NRAP: variants seen among roughly 807,000 people sequenced by gnomAD.
NRAP encodes nebulin-related-anchoring protein.
In NRAP, 189 loss-of-function variants were observed where a neutral mutation model predicts 225.9. The observed-to-expected ratio is 0.84, with a 90% CI of 0.74 to 0.94. The LOEUF is 0.94. Ranked by LOEUF, NRAP falls within the 40% of genes least tolerant of loss-of-function variation. The pLI is 0.00. For synonymous variants in NRAP, 769 were observed against 790.7 expected (o/e 0.97, Z 0.46); for missense variants, 2,176 against 2,168.7 (o/e 1.00, Z -0.07).
At chr10:113,635,046 G>A (rs1035639712) in intron 14 of NRAP, among the ~76,000 whole-genome samples, 1 of 152,194 alleles carries the variant, frequency 6.6e-6, no homozygotes, top group Non-Finnish European at 1.5e-5. Context: ...AGGCAGAATC[G>A]TCAGTGCAGC....
chr10:113,626,952 G>T (rs1848322540), intron 20 of NRAP, among the ~76,000 whole-genome samples: 1 of 152,220 alleles, frequency 6.6e-6, no homozygotes. Context: ...TGCCAAAGCT[G>T]CTGGGAAAGA....
At chr10:113,609,836 A>C (rs932694950) in intron 31 of NRAP, among the ~76,000 whole-genome samples, 6 of 152,076 alleles carry the variant, frequency 3.9e-5, no homozygotes, top group Non-Finnish European at 5.9e-5. Flanking sequence ...CCACAGGGCC[A>C]CTCTTCAAAG....
intron 3 of NRAP, among the ~76,000 whole-genome samples, chr10:113,659,075 C>T (rs1333503431): frequency 6.6e-6 from 1 of 152,048 alleles, no homozygotes; most frequent in African/African-American, 2.4e-5. Flanking sequence ...CTACTTGATG[C>T]ATATATTTTT....
At position 113,610,538 on chromosome 10, in the gene NRAP, A is replaced by C. The variant is rs1227828018; in HGVS notation, c.3524T>G (p.Phe1175Cys). The change falls in exon 31 of 42, where the codon TTT becomes TGT. Residue 1175 changes from phenylalanine (F) to cysteine (C), a missense_variant. Physicochemically the swap from Phe to Cys is radical, Grantham distance 205. Transcript: ENST00000359988. ...AATGACACATGCAACACCTCGCATA[A>C]AGTTCAGGTCTGACCGGTACAAATT... The part of the protein sequence containing the change: ...SENLYRSDLN[F>C]MRGVACVIPG... The C allele has an allele frequency of 6.9e-6, 11 of 1,600,762 alleles. No individual in the cohort carries two copies. The highest frequency in any genetic ancestry group is 2.7e-5 in the African/African-American group (2 of 74,694).
chr10:113,638,816 G>A (rs754413079), intron 14 of NRAP, among the ~76,000 whole-genome samples: 1 of 152,150 alleles, frequency 6.6e-6, no homozygotes, highest in Non-Finnish European at 1.5e-5. Context: ...TGGCTCATGG[G>A]CTGCCAGTGA....
At chr10:113,612,675 T>G (rs1300353038) in intron 29 of NRAP, among the ~76,000 whole-genome samples, 2 of 152,218 alleles carry the variant, frequency 1.3e-5, no homozygotes, top group Non-Finnish European at 2.9e-5. Flanking sequence ...GGTTCCCTCA[T>G]TTGAGGAACA....
intron 9 of NRAP, among the ~76,000 whole-genome samples, chr10:113,649,684 G>A (rs996186761): frequency 2.0e-5 from 3 of 152,178 alleles, no homozygotes; most frequent in African/African-American, 7.2e-5. Flanking sequence ...GATGCATTTT[G>A]ATCTCTATGT....
At chr10:113,590,944 G>GCCTC in intron 39 of NRAP, 55 bp from the exon 40 acceptor site, 1 of 1,516,962 alleles carries the variant, frequency 6.6e-7, no homozygotes, top group Non-Finnish European at 9.1e-7. Flanking sequence ...CCCAGGACCA[G>GCCTC]CCTCACATAT....
At chr10:113,603,947 C>G (rs1046611220) in intron 35 of NRAP, among the ~76,000 whole-genome samples, 1 of 152,206 alleles carries the variant, frequency 6.6e-6, no homozygotes, top group African/African-American at 2.4e-5. Flanking sequence ...CTCTATATGT[C>G]TCCATAGCAT....
At chr10:113,649,760 G>C (rs1477262690) in intron 9 of NRAP, among the ~76,000 whole-genome samples, 1 of 152,178 alleles carries the variant, frequency 6.6e-6, no homozygotes, top group African/African-American at 2.4e-5. Flanking sequence ...TCAATGGACA[G>C]ATAGGAATGC....
At chr10:113,662,236 G>A (rs936575975) in intron 3 of NRAP, among the ~76,000 whole-genome samples, 3 of 152,066 alleles carry the variant, frequency 2.0e-5, no homozygotes, top group African/African-American at 4.8e-5. Context: ...ATTGTTAATC[G>A]GTATATAATA....
intron 11 of NRAP, among the ~76,000 whole-genome samples, chr10:113,644,809 A>G (rs1849405256): frequency 6.6e-6 from 1 of 152,350 alleles, no homozygotes; most frequent in South Asian, 2.1e-4. Flanking sequence ...GGATATTTGC[A>G]TATCTGTTTG....
intron 11 of NRAP, among the ~76,000 whole-genome samples, chr10:113,644,293 A>T (rs1291802951): frequency 6.6e-6 from 1 of 152,094 alleles, no homozygotes; most frequent in Admixed American, 6.6e-5. Flanking sequence ...CAGGCGTATG[A>T]CAAAGTGATA....
Position 113,629,577 on chromosome 10 carries a change from T to C in NRAP, c.2040+11A>G, listed in dbSNP as rs1184359969. The C allele has an allele frequency of 1.3e-6, 2 of 1,582,050 alleles. No individual in the cohort carries two copies. The highest frequency in any genetic ancestry group is 1.1e-5 in the South Asian group (1 of 90,434). On this transcript the variant is annotated intron_variant, in intron 19 of 41. Coordinates refer to ENST00000359988, the MANE Select transcript of NRAP (RefSeq NM_198060.4). ...AGATGCATGAAGAGAACTGATAATGTGTGGGCTCACCTCGCTCTGGAGCCC... is the reference window on the plus strand; with the variant it reads ...AGATGCATGAAGAGAACTGATAATGCGTGGGCTCACCTCGCTCTGGAGCCC...
At position 113,588,771 on chromosome 10, in the gene NRAP, C is replaced by A. The variant is rs1375790429; in HGVS notation, c.*204G>T. 2 of 581,916 alleles carry A rather than the reference C, an allele frequency of 3.4e-6. No homozygotes were observed. Among genetic ancestry groups the A allele is most frequent in the East Asian group, 2.8e-5 (1 of 35,522 alleles). 36.0% of individuals were successfully genotyped at this position (581,916 alleles called of 1,614,324 possible). On this transcript the variant is annotated 3_prime_UTR_variant, in exon 42 of 42. Transcript: ENST00000359988. The stretch of plus-strand genomic sequence containing the variant: ...CAGCCCAGACACTCGAGGCACTCAA[C>A]AGAATCAGCCATCCACGTCTAGGTA...
chr10:113,643,186 A>G (rs531523020), intron 11 of NRAP, 148 bp from the exon 12 acceptor site: 37 of 459,280 alleles, frequency 8.1e-5, no homozygotes, highest in African/African-American at 6.5e-4. Flanking sequence ...TTAGCAGGAC[A>G]TATTTTCCTT....
intron 14 of NRAP, among the ~76,000 whole-genome samples, chr10:113,639,091 CAAAAAAAAAA>C (rs60509891): frequency 1.1e-4 from 13 of 115,796 alleles, no homozygotes; most frequent in African/African-American, 2.1e-4. Flanking sequence ...ATGTATATAG[CAAAAAAAAAA>C]AAAAAAAAAA....
intron 38 of NRAP, among the ~76,000 whole-genome samples, chr10:113,593,220 C>T (rs948816684): frequency 2.0e-5 from 3 of 152,112 alleles, no homozygotes; most frequent in East Asian, 1.9e-4. Flanking sequence ...ACTCGTTCCA[C>T]GAGCTACAGC....
intron 32 of NRAP, among the ~76,000 whole-genome samples, chr10:113,607,187 C>T (rs187305162): frequency 6.6e-6 from 1 of 151,030 alleles, no homozygotes; most frequent in East Asian, 2.0e-4. Flanking sequence ...GGCGACAGAG[C>T]GTGACTCTGT....
Sources: allele counts gnomAD v4.1 joint callset (sites outside exome capture counted in the v4.1 genomes callset), GRCh38; gene constraint gnomAD v4.1.1; transcripts MANE v1.5; gene names NCBI Gene and HGNC (gene_info 2026-07-23, HGNC 2026-07-21).